The following CAPZB variants were observed in gnomAD, a reference collection of about 807,000 sequenced individuals.
CAPZB encodes the protein capping actin protein of muscle Z-line subunit beta.
CAPZB carries 2 observed loss-of-function variants against 38.1 expected under a neutral mutation model. The ratio of observed to expected loss-of-function variants is 0.05; its 90% CI spans 0.02 to 0.17. The LOEUF (loss-of-function observed/expected upper bound fraction) is 0.17. CAPZB is among the 10% of genes least tolerant of loss of function. CAPZB has a pLI of 1.00. For synonymous variants in CAPZB, 107 were observed against 127.4 expected, an observed-to-expected ratio of 0.84 and a Z score of 1.08; for missense variants, 161 against 334.2, an observed-to-expected ratio of 0.48 and a Z score of 4.04.
In CAPZB at chr1:19,338,966, C is replaced by CA. The variant is rs1558162029; in HGVS notation, c.*563_*564insT. On this transcript the variant is annotated 3_prime_UTR_variant, in exon 9 of 9. Coordinates refer to ENST00000264202, the MANE Select transcript of CAPZB (RefSeq NM_004930.5). The stretch of plus-strand genomic sequence containing the variant: ...GAAGAGCGGAACGGTCGGCGGCACC[C>CA]CCCCCAGCCCCCACCCCGCGGCCTC... 1 of 152,500 alleles carries CA rather than the reference C, an allele frequency of 6.6e-6. No homozygotes were observed. Among genetic ancestry groups the CA allele is most frequent in the African/African-American group, 2.4e-5 (1 of 41,376 alleles). The allele number at this position is 152,500 out of a possible 1,614,324, so 9.4% of individuals were successfully genotyped here.
intron 1 of CAPZB, among the ~76,000 whole-genome samples, chr1:19,428,402 C>T (rs2094430925): frequency 6.6e-6 from 1 of 150,904 alleles, no homozygotes; most frequent in Non-Finnish European, 1.5e-5. Flanking sequence ...GACTGTCCCA[C>T]ACCCTCCCCC....
intron 1 of CAPZB, chr1:19,484,850 T>A: frequency 3.9e-6 from 1 of 256,600 alleles, no homozygotes; most frequent in Non-Finnish European, 6.1e-6. Flanking sequence ...GGTCCAGATT[T>A]AAGTTCACAG....
At chr1:19,342,232 ACT>A (rs1433165976) in intron 8 of CAPZB, among the ~76,000 whole-genome samples, 5 of 152,140 alleles carry the variant, frequency 3.3e-5, no homozygotes, top group African/African-American at 1.2e-4. Flanking sequence ...TCCAGCCCTG[ACT>A]CTGCCCTCCA....
At chr1:19,447,408 G>T (rs2088820) in intron 1 of CAPZB, among the ~76,000 whole-genome samples, 120,777 of 124,664 alleles carry the variant, frequency 0.97, 58,445 homozygotes, top group Middle Eastern at 0.99. Flanking sequence ...TTTTTTTTTG[G>T]ATTTTTAGTA....
intron 1 of CAPZB, among the ~76,000 whole-genome samples, chr1:19,422,617 G>C (rs1191968874): frequency 2.0e-5 from 3 of 151,928 alleles, no homozygotes; most frequent in African/African-American, 7.3e-5. Context: ...GGCGCCTGTA[G>C]TTCCAGCAAC....
intron 6 of CAPZB, among the ~76,000 whole-genome samples, chr1:19,353,815 G>A (rs950706334): frequency 1.3e-5 from 2 of 152,244 alleles, no homozygotes; most frequent in Admixed American, 6.5e-5. Flanking sequence ...TGCGGGAGGG[G>A]CCCAGAGGGC....
chr1:19,346,328 A>T (rs952368150), intron 6 of CAPZB, among the ~76,000 whole-genome samples: 1 of 152,104 alleles, frequency 6.6e-6, no homozygotes, highest in African/African-American at 2.4e-5. Context: ...GTGGCCATCA[A>T]ATTATAATAC....
At chr1:19,381,358 C>G (rs79181529) in intron 3 of CAPZB, among the ~76,000 whole-genome samples, 35 of 151,904 alleles carry the variant, frequency 2.3e-4, no homozygotes, top group Admixed American at 2.0e-3. Flanking sequence ...CCCTCACCCT[C>G]GACTGCAAGA....
chr1:19,358,505 C>A (rs539925839), intron 4 of CAPZB, among the ~76,000 whole-genome samples: 1 of 152,056 alleles, frequency 6.6e-6, no homozygotes, highest in Non-Finnish European at 1.5e-5. Flanking sequence ...GAAGAGGGAA[C>A]GAAAAGGTTA....
chr1:19,425,954 C>T (rs2100548404), intron 1 of CAPZB, among the ~76,000 whole-genome samples: 1 of 152,330 alleles, frequency 6.6e-6, no homozygotes, highest in South Asian at 2.1e-4. Context: ...GGGCAGGGAG[C>T]CCCAGAAGAT....
intron 1 of CAPZB, among the ~76,000 whole-genome samples, chr1:19,472,803 C>T (rs1310614383): frequency 2.0e-5 from 3 of 148,974 alleles, no homozygotes; most frequent in Non-Finnish European, 3.0e-5. Flanking sequence ...CTGCAAGCTC[C>T]GCCTCCTGGG....
intron 6 of CAPZB, 78 bp from the exon 7 acceptor site, chr1:19,345,330 C>T (rs1004145626): frequency 8.5e-6 from 10 of 1,180,690 alleles, no homozygotes; most frequent in African/African-American, 7.5e-5. Context: ...CCCACCTCCA[C>T]GGTCTGCAAA....
intron 1 of CAPZB, among the ~76,000 whole-genome samples, chr1:19,453,390 T>G (rs958281071): frequency 9.9e-5 from 15 of 152,180 alleles, no homozygotes; most frequent in African/African-American, 3.4e-4. Flanking sequence ...GCCTCCTGAG[T>G]ACCTGGGATT....
intron 2 of CAPZB, among the ~76,000 whole-genome samples, chr1:19,418,280 G>A (rs1015198982): frequency 6.6e-6 from 1 of 151,940 alleles, no homozygotes; most frequent in African/African-American, 2.4e-5. Flanking sequence ...AGCACCAGGA[G>A]TAACGAGGGC....
At chr1:19,404,014 C>T (rs2094317042) in intron 2 of CAPZB, among the ~76,000 whole-genome samples, 1 of 151,530 alleles carries the variant, frequency 6.6e-6, no homozygotes, top group South Asian at 2.1e-4. Flanking sequence ...GGTGGCATCA[C>T]TTGAGGTCGG....
chr1:19,355,309 C>T (rs778224977), intron 6 of CAPZB, among the ~76,000 whole-genome samples: 2 of 152,038 alleles, frequency 1.3e-5, no homozygotes, highest in Non-Finnish European at 2.9e-5. Context: ...GCCTGGCCAA[C>T]ATGGTGAAAT....
rs375068236 is a variant in CAPZB, at chr1:19,419,663, G to A, written c.91C>T (p.Leu31=). ...AACCATATGAAGGAGGCACGTACCA[G>A]GTCGATCAGGTCGCTGAGGTTTTTC... ...IEKNLSDLID[L]VPSLCEDLLS... The change falls in exon 2 of 9, where the codon CTG becomes TTG. Residue 31 remains leucine (L), a splice_region_variant and synonymous_variant. Transcript: ENST00000264202. 5.7e-6 allele frequency: 9 copies of A among 1,578,882 alleles called. No individual in the cohort carries two copies. Among genetic ancestry groups the A allele is most frequent in the Admixed American group, 3.5e-5 (2 of 57,336 alleles).
chr1:19,443,128 T>G (rs1304425166), intron 1 of CAPZB, among the ~76,000 whole-genome samples: 1 of 152,002 alleles, frequency 6.6e-6, no homozygotes, highest in Non-Finnish European at 1.5e-5. Flanking sequence ...AGTTCACGCC[T>G]GTAATCACAG....
intron 1 of CAPZB, among the ~76,000 whole-genome samples, chr1:19,451,363 G>A (rs1394479545): frequency 2.0e-5 from 3 of 152,194 alleles, no homozygotes; most frequent in East Asian, 1.9e-4. Flanking sequence ...GGAAATCACT[G>A]ACACAGATGG....
Sources: allele counts gnomAD v4.1 joint callset (sites outside exome capture counted in the v4.1 genomes callset), GRCh38; gene constraint gnomAD v4.1.1; transcripts MANE v1.5; gene names NCBI Gene and HGNC (gene_info 2026-07-23, HGNC 2026-07-21).